AR: variants seen among roughly 807,000 people sequenced by gnomAD.
The protein encoded by AR is dihydrotestosterone receptor.
In AR, 8 loss-of-function variants were observed where a neutral mutation model predicts 53.9. That is an observed-to-expected ratio of 0.15 (90% CI 0.09 to 0.27). The LOEUF (loss-of-function observed/expected upper bound fraction) is 0.27, where lower values mean the gene tolerates loss of function less well. AR is among the 10% of genes least tolerant of loss of function. AR has a pLI of 1.00. For synonymous variants in AR, 359 were observed against 316.4 expected (o/e 1.13, Z -1.43); for missense variants, 639 against 742.5 (o/e 0.86, Z 1.62).
intron 1 of AR, among the ~76,000 whole-genome samples, chrX:67,616,127 G>A (rs1008952293): frequency 2.2e-4 from 24 of 111,193 alleles, no homozygotes; most frequent in African/African-American, 7.8e-4. Flanking sequence ...TAATCACTGA[G>A]AAAATGATGC....
At position 67,725,020 on chromosome X, in the gene AR, T is replaced by G. The variant is rs185168988; in HGVS notation, c.*1179T>G. On this transcript the variant is annotated 3_prime_UTR_variant, in exon 8 of 8. Coordinates refer to ENST00000374690, the MANE Select transcript of AR (RefSeq NM_000044.6). ...TAGTTAAACTCTCACTGCCACTACC[T>G]TTTCCCCACCTTTAAAAGACCTGAA... 9.2e-5 allele frequency: 16 copies of G among 173,415 alleles called. No homozygotes were observed. The East Asian group carries it at 1.1e-3, about 12-fold the overall frequency. The allele number at this position is 173,415 out of a possible 1,213,427, so 14.3% of individuals were successfully genotyped here.
chrX:67,695,683 G>A (rs2076016381), intron 3 of AR: 2 of 747,773 alleles, frequency 2.7e-6, no homozygotes, highest in African/African-American at 4.8e-5. Context: ...AGAGTCAGAA[G>A]GACTCTCCCT....
intron 1 of AR, among the ~76,000 whole-genome samples, chrX:67,558,853 A>G (rs1018413088): frequency 1.8e-5 from 2 of 112,187 alleles, no homozygotes; most frequent in African/African-American, 6.5e-5. Flanking sequence ...AATCCTCAAA[A>G]TACTCCATGA....
intron 3 of AR, among the ~76,000 whole-genome samples, chrX:67,706,129 A>C (rs1421953138): frequency 5.4e-5 from 6 of 111,633 alleles, no homozygotes; most frequent in Non-Finnish European, 7.5e-5. Flanking sequence ...TGTCTCTGCC[A>C]GGCTTTGGTA....
chrX:67,568,994 C>CT, intron 1 of AR: 1 of 1,210,579 alleles, frequency 8.3e-7, no homozygotes, highest in Non-Finnish European at 1.1e-6. Flanking sequence ...TTGCCTGTCA[C>CT]TTTTTCCCAT....
At chrX:67,694,513 A>G (rs777729225) in intron 3 of AR, among the ~76,000 whole-genome samples, 2 of 111,102 alleles carry the variant, frequency 1.8e-5, no homozygotes, top group East Asian at 5.7e-4. Context: ...GGATAGGAAA[A>G]GAAAAACCCC....
chrX:67,634,510 C>T (rs757000411), intron 1 of AR, among the ~76,000 whole-genome samples: 1 of 111,757 alleles, frequency 8.9e-6, no homozygotes, highest in Non-Finnish European at 1.9e-5. Flanking sequence ...TAGCAAGTGG[C>T]AGAGATGGAC....
At chrX:67,662,319 G>A (rs1245188116) in intron 2 of AR, among the ~76,000 whole-genome samples, 1 of 110,591 alleles carries the variant, frequency 9.0e-6, no homozygotes, top group Non-Finnish European at 1.9e-5. Context: ...GCTTTCTCTT[G>A]TGGGCATTTA....
chrX:67,559,011 C>T (rs755407379), intron 1 of AR, among the ~76,000 whole-genome samples: 1 of 112,160 alleles, frequency 8.9e-6, no homozygotes. Flanking sequence ...TTATTTTCCA[C>T]TATATTTATG....
chrX:67,722,976 G>A lies in AR; in HGVS notation c.2599G>A (p.Val867Met), dbSNP rs137852564. 1 of 1,211,527 alleles carries A rather than the reference G, an allele frequency of 8.3e-7. No individual in the cohort carries two copies. Reference protein sequence around the residue: ...FYQLTKLLDSVQPIARELHQF... With the variant: ...FYQLTKLLDSMQPIARELHQF... ...CCAGCTCACCAAGCTCCTGGACTCCGTGCAGCCTGTAAGCAAACGATGGAG... is the reference window on the plus strand; with the variant it reads ...CCAGCTCACCAAGCTCCTGGACTCCATGCAGCCTGTAAGCAAACGATGGAG... Residue 867 changes from valine (V) to methionine (M), a missense_variant, in exon 7 of 8, where the codon GTG becomes ATG. This residue lies in a region of AR where 95 missense variants were observed against 196.4 expected (regional missense o/e 0.48). Transcript: ENST00000374690.
At chrX:67,591,831 G>A (rs1922846002) in intron 1 of AR, among the ~76,000 whole-genome samples, 1 of 111,627 alleles carries the variant, frequency 9.0e-6, no homozygotes, top group Non-Finnish European at 1.9e-5. Flanking sequence ...TCTCACTGCT[G>A]ACATCATTTG....
chrX:67,551,715 A>G (rs1930004799), intron 1 of AR, among the ~76,000 whole-genome samples: 1 of 111,867 alleles, frequency 8.9e-6, no homozygotes, highest in Non-Finnish European at 1.9e-5. Flanking sequence ...GAACCTCTCT[A>G]GAGCAATACT....
At chrX:67,629,888 G>A (rs1336948622) in intron 1 of AR, among the ~76,000 whole-genome samples, 10 of 110,937 alleles carry the variant, frequency 9.0e-5, no homozygotes, top group African/African-American at 2.0e-4. Context: ...CCTTCATTTC[G>A]TTATGTACCC....
intron 1 of AR, among the ~76,000 whole-genome samples, chrX:67,565,929 G>A (rs1921538712): frequency 8.9e-6 from 1 of 111,862 alleles, no homozygotes; most frequent in Admixed American, 9.5e-5. Flanking sequence ...TTGGTCTCAA[G>A]TGATCCACCT....
At chrX:67,653,930 A>T (rs1926468996) in intron 2 of AR, among the ~76,000 whole-genome samples, 1 of 111,806 alleles carries the variant, frequency 8.9e-6, no homozygotes, top group Admixed American at 9.5e-5. Context: ...AACTTAAAGT[A>T]TAATAAAAAA....
intron 3 of AR, among the ~76,000 whole-genome samples, chrX:67,696,941 T>C (rs1569308915): frequency 2.7e-5 from 3 of 112,152 alleles, no homozygotes; most frequent in Non-Finnish European, 5.6e-5. Context: ...ACCTGGGGCA[T>C]GACTTAACCT....
chrX:67,614,255 T>C (rs1398489574), intron 1 of AR, among the ~76,000 whole-genome samples: 2 of 111,653 alleles, frequency 1.8e-5, no homozygotes, highest in Admixed American at 9.5e-5. Flanking sequence ...AAACTTTTCA[T>C]TGGTGCCATG....
At chrX:67,643,576 T>C (rs1050073293) in intron 2 of AR, among the ~76,000 whole-genome samples, 169 bp downstream of exon 2, 4 of 112,129 alleles carry the variant, frequency 3.6e-5, no homozygotes, top group Non-Finnish European at 7.5e-5. Context: ...ACTTGCTAGT[T>C]CCCTGGTTTC....
At position 67,594,526 on chromosome X, in the gene AR, T is replaced by C. The variant is rs941717438; in HGVS notation, c.1616+47764T>C. 7.1e-5 allele frequency among the ~76,000 whole-genome samples: 8 copies of C among 112,458 alleles called. No homozygotes were observed. In the East Asian group the frequency reaches 2.2e-3, roughly 31 times the overall value. ...ACAAAAACCTTTGTAATGATAGCTG[T>C]TTTTTATATGATTACAAAAAATTTA... On this transcript the variant is annotated intron_variant, in intron 1 of 7. Transcript: ENST00000374690.
Sources: allele counts gnomAD v4.1 joint callset (sites outside exome capture counted in the v4.1 genomes callset), GRCh38; gene constraint gnomAD v4.1.1; regional missense constraint gnomAD v4.1.1; transcripts MANE v1.5; gene names NCBI Gene and HGNC (gene_info 2026-07-23, HGNC 2026-07-21).